Variants in FHOD3 observed in about 807,000 individuals in gnomAD.
FHOD3 encodes FH1/FH2 domain-containing protein 3.
Under a neutral mutation model 173.0 loss-of-function variants are expected in FHOD3, and 90 were observed. That is an observed-to-expected ratio of 0.52 (90% CI 0.44 to 0.62). The LOEUF is 0.62. Among genes scored for constraint, FHOD3 ranks in the 20% least tolerant of loss-of-function variants. The probability of loss-of-function intolerance (pLI) is 0.00; values close to 1 mark genes in which losing one functional copy is unlikely to be tolerated. For missense variants in FHOD3, 1,945 were observed against 2,034.7 expected (o/e 0.96, Z 0.85); for synonymous variants, 828 against 823.0 (o/e 1.01, Z -0.10).
chr18:36,482,822 A>AACACACACAC lies in FHOD3; in HGVS notation c.338-19095_338-19086dup, dbSNP rs1202251220. On this transcript the variant is annotated intron_variant, in intron 3 of 28. Coordinates refer to ENST00000590592, the MANE Select transcript of FHOD3 (RefSeq NM_001281740.3). ...CTATTCCGAGATCATCCGGTGAACA[A>AACACACACAC]ACACACACACACACACACACACACT... Among the ~76,000 whole-genome samples the AACACACACAC allele has an allele frequency of 6.6e-3, 604 of 92,102 alleles. 5 individuals are homozygous for AACACACACAC. The highest frequency in any genetic ancestry group is 0.021 in the African/African-American group (430 of 20,930). 60.4% of individuals were successfully genotyped at this position (92,102 alleles called of 152,430 possible).
At chr18:36,723,708 C>T (rs2040908968) in intron 19 of FHOD3, among the ~76,000 whole-genome samples, 2 of 152,188 alleles carry the variant, frequency 1.3e-5, no homozygotes, top group South Asian at 2.1e-4. Context: ...CACCAGCACT[C>T]CCCAAACCTC....
At chr18:36,335,266 C>T (rs1052706964) in intron 1 of FHOD3, among the ~76,000 whole-genome samples, 49 of 152,076 alleles carry the variant, frequency 3.2e-4, no homozygotes, top group African/African-American at 6.7e-4. Flanking sequence ...GAGGCCGAGG[C>T]GGGCGGATCA....
intron 11 of FHOD3, among the ~76,000 whole-genome samples, chr18:36,652,035 C>A (rs1348052498): frequency 6.6e-6 from 1 of 152,210 alleles, no homozygotes; most frequent in African/African-American, 2.4e-5. Context: ...TCCTCGCTGG[C>A]ATTTTTTCTC....
chr18:36,458,592 A>G (rs2052361184), intron 3 of FHOD3, among the ~76,000 whole-genome samples: 1 of 151,590 alleles, frequency 6.6e-6, no homozygotes, highest in South Asian at 2.1e-4. Flanking sequence ...ATCTTCTGCT[A>G]CAATGAGGGG....
At chr18:36,706,240 G>A (rs550894731) in intron 17 of FHOD3, among the ~76,000 whole-genome samples, 8 of 152,134 alleles carry the variant, frequency 5.3e-5, no homozygotes, top group Non-Finnish European at 8.8e-5. Flanking sequence ...GGGCTCTGCC[G>A]TGGACCCTGG....
intron 20 of FHOD3, 107 bp downstream of exon 20, chr18:36,730,911 T>C: frequency 4.2e-6 from 5 of 1,193,498 alleles, no homozygotes; most frequent in Non-Finnish European, 5.9e-6. Flanking sequence ...CTGTCTCAAC[T>C]AGACTCTGAA....
chr18:36,742,119 C>A (rs1160063399), intron 21 of FHOD3, among the ~76,000 whole-genome samples: 1 of 151,992 alleles, frequency 6.6e-6, no homozygotes, highest in Middle Eastern at 3.2e-3. Flanking sequence ...TGGGGGAGAG[C>A]CTCAGTCAAG....
chr18:36,664,150 T>C (rs935817577), intron 14 of FHOD3, among the ~76,000 whole-genome samples: 5 of 152,160 alleles, frequency 3.3e-5, no homozygotes, highest in Admixed American at 2.0e-4. Flanking sequence ...TTTAAAAAAA[T>C]TAAATTGGTT....
intron 3 of FHOD3, among the ~76,000 whole-genome samples, chr18:36,448,540 T>TG (rs2079209218): frequency 6.6e-6 from 1 of 152,174 alleles, no homozygotes; most frequent in Admixed American, 6.5e-5. Flanking sequence ...CATGACTCTC[T>TG]GGGGCCAGGC....
At chr18:36,365,774 T>C (rs2046870340) in intron 2 of FHOD3, among the ~76,000 whole-genome samples, 2 of 152,016 alleles carry the variant, frequency 1.3e-5, no homozygotes, top group Admixed American at 1.3e-4. Flanking sequence ...GGGGAGAAAT[T>C]CCAGCTTCTG....
chr18:36,522,475 G>C (rs1490845364), intron 5 of FHOD3, among the ~76,000 whole-genome samples: 1 of 152,144 alleles, frequency 6.6e-6, no homozygotes, highest in Non-Finnish European at 1.5e-5. Flanking sequence ...ATATCTACTA[G>C]GGTGTATATC....
At chr18:36,506,832 T>G (rs2055328423) in intron 4 of FHOD3, among the ~76,000 whole-genome samples, 1 of 152,216 alleles carries the variant, frequency 6.6e-6, no homozygotes, top group Non-Finnish European at 1.5e-5. Context: ...AAACGCTTGT[T>G]AATGAGGCAG....
intron 17 of FHOD3, among the ~76,000 whole-genome samples, chr18:36,706,775 G>C (rs1472414910): frequency 1.3e-5 from 2 of 152,210 alleles, no homozygotes; most frequent in African/African-American, 4.8e-5. Flanking sequence ...GGCCCTTGCT[G>C]GTTTTCACCA....
intron 3 of FHOD3, among the ~76,000 whole-genome samples, chr18:36,373,653 G>T (rs1390015256): frequency 6.6e-6 from 1 of 152,180 alleles, no homozygotes; most frequent in African/African-American, 2.4e-5. Flanking sequence ...AAGAATAATT[G>T]TTCAGGTGAC....
At chr18:36,403,665 A>G (rs2048927119) in intron 3 of FHOD3, among the ~76,000 whole-genome samples, 1 of 152,252 alleles carries the variant, frequency 6.6e-6, no homozygotes, top group South Asian at 2.1e-4. Flanking sequence ...TTAGCCAAAT[A>G]ATTACGGATT....
intron 10 of FHOD3, among the ~76,000 whole-genome samples, chr18:36,626,988 C>T (rs1362935620): frequency 6.6e-6 from 1 of 152,200 alleles, no homozygotes; most frequent in Non-Finnish European, 1.5e-5. Context: ...CACCCCTCTT[C>T]TACCTCATAA....
At chr18:36,335,788 T>G (rs2045278090) in intron 1 of FHOD3, among the ~76,000 whole-genome samples, 1 of 152,158 alleles carries the variant, frequency 6.6e-6, no homozygotes, top group Admixed American at 6.5e-5. Flanking sequence ...TGGGTGCCCC[T>G]GTGCTGTGCT....
chr18:36,601,214 G>A (rs551006130), intron 7 of FHOD3, among the ~76,000 whole-genome samples: 1 of 152,358 alleles, frequency 6.6e-6, no homozygotes, highest in African/African-American at 2.4e-5. Context: ...AAGGGTCATA[G>A]AAGATTGCCC....
intron 9 of FHOD3, among the ~76,000 whole-genome samples, chr18:36,612,327 C>T (rs1423526508): frequency 6.6e-6 from 1 of 152,148 alleles, no homozygotes; most frequent in Non-Finnish European, 1.5e-5. Flanking sequence ...CTCAAGAACC[C>T]TTGATATAGG....
Sources: allele counts gnomAD v4.1 joint callset (sites outside exome capture counted in the v4.1 genomes callset), GRCh38; gene constraint gnomAD v4.1.1; transcripts MANE v1.5; gene names NCBI Gene and HGNC (gene_info 2026-07-23, HGNC 2026-07-21).